Variants in UNC5C observed in about 807,000 individuals in gnomAD.
UNC5C encodes unc-5 netrin receptor C.
A neutral mutation model predicts 99.8 loss-of-function variants in UNC5C; 47 were observed. The observed-to-expected ratio is 0.47, with a 90% CI of 0.37 to 0.60. The LOEUF (loss-of-function observed/expected upper bound fraction) is 0.60. Ranked by LOEUF, UNC5C falls within the 20% of genes least tolerant of loss-of-function variation. The pLI is 0.00. For synonymous variants in UNC5C, 487 were observed against 452.2 expected, an observed-to-expected ratio of 1.08 and a Z score of -0.98; for missense variants, 1,062 against 1,165.9, an observed-to-expected ratio of 0.91 and a Z score of 1.30.
intron 3 of UNC5C, among the ~76,000 whole-genome samples, chr4:95,292,452 A>G (rs971154565): frequency 1.3e-5 from 2 of 151,918 alleles, no homozygotes; most frequent in African/African-American, 2.4e-5. Flanking sequence ...CAATTCATTC[A>G]TTCCTTTATG....
intron 12 of UNC5C, among the ~76,000 whole-genome samples, chr4:95,188,142 C>T (rs1736909875): frequency 6.6e-6 from 1 of 152,120 alleles, no homozygotes; most frequent in Admixed American, 6.6e-5. Context: ...CAGTGGTTCA[C>T]TGGGCCTGGG....
chr4:95,536,190 C>T (rs1722779427), intron 1 of UNC5C, among the ~76,000 whole-genome samples: 1 of 151,712 alleles, frequency 6.6e-6, no homozygotes, highest in African/African-American at 2.4e-5. Flanking sequence ...ATTCTCCTGC[C>T]TCAGCTTCCC....
intron 3 of UNC5C, among the ~76,000 whole-genome samples, chr4:95,282,043 G>C (rs181374915): frequency 6.6e-6 from 1 of 152,170 alleles, no homozygotes; most frequent in Admixed American, 6.5e-5. Flanking sequence ...GCTTGGAAAA[G>C]AAGGCCTGGT....
intron 1 of UNC5C, among the ~76,000 whole-genome samples, chr4:95,505,752 A>G (rs1721900380): frequency 6.6e-6 from 1 of 152,020 alleles, no homozygotes. Context: ...TCTAACTGTA[A>G]AACTGCTGGG....
chr4:95,228,989 T>C (rs1265017085), intron 7 of UNC5C, among the ~76,000 whole-genome samples: 1 of 152,136 alleles, frequency 6.6e-6, no homozygotes, highest in African/African-American at 2.4e-5. Context: ...TGTTAATGCA[T>C]GATAATCACA....
At chr4:95,393,556 C>T (rs1745419725) in intron 1 of UNC5C, among the ~76,000 whole-genome samples, 1 of 152,260 alleles carries the variant, frequency 6.6e-6, no homozygotes, top group African/African-American at 2.4e-5. Context: ...TTAGGAAGTT[C>T]CACTGAATAC....
intron 10 of UNC5C, among the ~76,000 whole-genome samples, chr4:95,211,955 G>A (rs1033472387): frequency 6.6e-6 from 1 of 152,042 alleles, no homozygotes; most frequent in Non-Finnish European, 1.5e-5. Flanking sequence ...TTCAAACTGA[G>A]GAACTTGAGG....
rs1201179493 is a variant in UNC5C, at chr4:95,244,991, G to C, written c.929C>G (p.Thr310Ser). 6.2e-7 allele frequency: 1 copy of C among 1,613,942 alleles called. No individual in the cohort carries two copies. Among genetic ancestry groups the C allele is most frequent in the Non-Finnish European group, 8.5e-7 (1 of 1,179,966 alleles). ...GGTTTATTTACCTGGGCATAACGTA[G>C]TACAGGCTATTTTCTGCACACTCTG... is the stretch of plus-strand genomic sequence containing the variant. ...EGQSVQKIACTTLCPVDGRWT... is the reference protein window; with the variant it reads ...EGQSVQKIACSTLCPVDGRWT... The change falls in exon 6 of 16, where the codon ACT (threonine) becomes AGT (serine). Residue 310 changes from threonine to serine, a missense_variant. Thr to Ser is a moderately conservative substitution (Grantham distance 58). Around this residue, in one of 3 missense-constraint regions of UNC5C, gnomAD observed 810 missense variants for 854.5 expected, o/e 0.95. Transcript: ENST00000453304.
chr4:95,173,850 G>A (rs1227965135), intron 14 of UNC5C, among the ~76,000 whole-genome samples: 32 of 151,982 alleles, frequency 2.1e-4, no homozygotes, highest in Non-Finnish European at 4.0e-4. Context: ...GGTAGAATTC[G>A]GCTGTGAATC....
At position 95,202,897 on chromosome 4, in the gene UNC5C, C is replaced by T; in HGVS notation, c.1970G>A (p.Cys657Tyr). 6.2e-7 allele frequency: 1 copy of T among 1,614,200 alleles called. No homozygotes were observed. The highest frequency in any genetic ancestry group is 1.1e-5 in the South Asian group (1 of 91,086). ...PCYIQLDAEA[C>Y]HILTENLSTY... ...GCTGAGGTTCTCTGTGAGGATGTGGCAGGCCTCTGCATCCAGCTGAATGTA... is the reference window on the plus strand; with the variant it reads ...GCTGAGGTTCTCTGTGAGGATGTGGTAGGCCTCTGCATCCAGCTGAATGTA... The change falls in exon 12 of 16, where the codon TGC becomes TAC. Residue 657 changes from cysteine (C) to tyrosine (Y), a missense_variant. Coordinates refer to ENST00000453304, the MANE Select transcript of UNC5C (RefSeq NM_003728.4).
chr4:95,318,364 C>G (rs1742557442), intron 2 of UNC5C, among the ~76,000 whole-genome samples: 1 of 152,042 alleles, frequency 6.6e-6, no homozygotes, highest in Non-Finnish European at 1.5e-5. Context: ...CTGGAGCTCC[C>G]CGAGGAGGGC....
At chr4:95,540,135 C>T (rs1199140016) in intron 1 of UNC5C, among the ~76,000 whole-genome samples, 2 of 152,106 alleles carry the variant, frequency 1.3e-5, no homozygotes, top group Non-Finnish European at 1.5e-5. Flanking sequence ...ATTTCTCAAA[C>T]AAGCACATCC....
At chr4:95,436,477 A>G (rs1171526781) in intron 1 of UNC5C, among the ~76,000 whole-genome samples, 2 of 152,046 alleles carry the variant, frequency 1.3e-5, no homozygotes, top group Non-Finnish European at 2.9e-5. Flanking sequence ...TGAGCTGTGC[A>G]GATATATAAC....
chr4:95,392,213 T>A (rs933670653), intron 1 of UNC5C, among the ~76,000 whole-genome samples: 11 of 152,124 alleles, frequency 7.2e-5, no homozygotes, highest in African/African-American at 2.7e-4. Context: ...GATAACTCCC[T>A]TCACTCCCTA....
At chr4:95,379,717 A>T (rs973463346) in intron 1 of UNC5C, among the ~76,000 whole-genome samples, 1 of 152,202 alleles carries the variant, frequency 6.6e-6, no homozygotes, top group Non-Finnish European at 1.5e-5. Flanking sequence ...ATTTAGTTTC[A>T]CATGACTTAG....
At chr4:95,180,390 T>C (rs1210682671) in intron 14 of UNC5C, among the ~76,000 whole-genome samples, 1 of 152,226 alleles carries the variant, frequency 6.6e-6, no homozygotes, top group Non-Finnish European at 1.5e-5. Flanking sequence ...AGATAATGAG[T>C]AGCTTCCTGG....
At chr4:95,223,729 A>G (rs1377556677) in intron 7 of UNC5C, among the ~76,000 whole-genome samples, 1 of 152,054 alleles carries the variant, frequency 6.6e-6, no homozygotes. Context: ...TGGTAATAAA[A>G]TTTTTCCATT....
At position 95,185,097 on chromosome 4, in the gene UNC5C, G is replaced by C. The variant is rs761134744; in HGVS notation, c.2236C>G (p.His746Asp). The stretch of plus-strand genomic sequence containing the variant: ...TTCCAGAGGGAATGGGCGATATCGT[G>C]AATTGACAGGCGCAGGTTGTGGGTG... ...GSTHNLRLSI[H>D]DIAHSLWKSK... The change falls in exon 13 of 16, where the codon CAC (histidine) becomes GAC (aspartate). Residue 746 changes from histidine (H) to aspartate (D), a missense_variant. Transcript: ENST00000453304. 6.2e-7 allele frequency: 1 copy of C among 1,613,980 alleles called. No homozygotes were observed. Among genetic ancestry groups the C allele is most frequent in the Non-Finnish European group, 8.5e-7 (1 of 1,180,010 alleles).
At chr4:95,399,645 C>G (rs1200848705) in intron 1 of UNC5C, among the ~76,000 whole-genome samples, 2 of 152,208 alleles carry the variant, frequency 1.3e-5, no homozygotes, top group African/African-American at 4.8e-5. Flanking sequence ...CTTGTGTTCA[C>G]TCTACCTCAA....
Sources: allele counts gnomAD v4.1 joint callset (sites outside exome capture counted in the v4.1 genomes callset), GRCh38; gene constraint gnomAD v4.1.1; regional missense constraint gnomAD v4.1.1; transcripts MANE v1.5; gene names NCBI Gene and HGNC (gene_info 2026-07-23, HGNC 2026-07-21).